EVC: variants seen among roughly 807,000 people sequenced by gnomAD.
EVC encodes the protein evC complex member EVC.
EVC carries 116 observed loss-of-function variants against 118.9 expected under a neutral mutation model. That is an observed-to-expected ratio of 0.98 (90% CI 0.84 to 1.14). The LOEUF (loss-of-function observed/expected upper bound fraction) is 1.14, where lower values mean the gene tolerates loss of function less well. Among genes scored for constraint, EVC ranks in the 50% most tolerant of loss-of-function variants. The probability of loss-of-function intolerance (pLI) is 0.00; values close to 1 mark genes in which losing one functional copy is unlikely to be tolerated. For synonymous variants in EVC, 619 were observed against 534.7 expected (o/e 1.16, Z -2.18); for missense variants, 1,401 against 1,246.4 (o/e 1.12, Z -1.87).
rs991853421 is a variant in EVC, at chr4:5,756,731, G to C, written c.1563+369G>C. Among the ~76,000 whole-genome samples, 9 of 152,206 alleles carry C rather than the reference G, an allele frequency of 5.9e-5. No homozygotes were observed. The highest frequency in any genetic ancestry group is 1.2e-4 in the Non-Finnish European group (8 of 68,042). ...AGAAGGGGTTCTGGGCTGAAATGGG[G>C]ACGTCAGAGATCACATGCCACACCA... On this transcript the variant is annotated intron_variant, in intron 11 of 20. Transcript: ENST00000264956. The surrounding 1 kb of genome is among the most constrained non-coding windows in gnomAD (Gnocchi z 4.2).
At chr4:5,782,538 A>G (rs1161766031) in intron 11 of EVC, among the ~76,000 whole-genome samples, 65 of 7,294 alleles carry the variant, frequency 8.9e-3, no homozygotes, top group African/African-American at 0.051. Flanking sequence ...TTTTAAATGA[A>G]AAAAAAAAAA....
chr4:5,752,177 T>C (rs543055590), intron 8 of EVC, among the ~76,000 whole-genome samples: 1 of 152,096 alleles, frequency 6.6e-6, no homozygotes, highest in South Asian at 2.1e-4. Context: ...GATGCCAACG[T>C]CCGCCGTCCG....
At chr4:5,717,110 T>A (rs946674132) in intron 1 of EVC, among the ~76,000 whole-genome samples, 1 of 152,204 alleles carries the variant, frequency 6.6e-6, no homozygotes, top group Non-Finnish European at 1.5e-5. Context: ...TTTTTTAGGT[T>A]GAATTGGGCT....
At chr4:5,794,031 A>G (rs1346759016) in intron 13 of EVC, among the ~76,000 whole-genome samples, 1 of 151,726 alleles carries the variant, frequency 6.6e-6, no homozygotes, top group Non-Finnish European at 1.5e-5. Flanking sequence ...CCACAATCCA[A>G]ATTTAGAACA....
chr4:5,744,700 C>G (rs925164014), intron 6 of EVC, among the ~76,000 whole-genome samples: 1 of 152,152 alleles, frequency 6.6e-6, no homozygotes, highest in African/African-American at 2.4e-5. Flanking sequence ...CCTTGGCTAC[C>G]CAGCTCACTC....
chr4:5,822,038 A>C, the EVC span, among the ~76,000 whole-genome samples: 1 of 140,144 alleles, frequency 7.1e-6, no homozygotes, highest in East Asian at 1.9e-4. Context: ...TGTGCCCCTC[A>C]GTCCCTGGGC....
chr4:5,827,939 C>T, the EVC span: 1 of 670,986 alleles, frequency 1.5e-6, no homozygotes, highest in Non-Finnish European at 1.8e-6. Context: ...TGACAGATGT[C>T]CTGAGGTCAG....
downstream of EVC, among the ~76,000 whole-genome samples, chr4:5,816,658 TCCTTCCCCTCTCTCCCTTCCCTCCCTC>T (rs1717734086): frequency 1.8e-5 from 2 of 110,536 alleles, no homozygotes; most frequent in Non-Finnish European, 3.6e-5. Flanking sequence ...CTTCCCTCCC[TCCTTCCCCTCTCTCCCTTCCCTCCCTC>T]CCTTCCCTTC....
chr4:5,811,176 G>A lies in EVC; in HGVS notation c.*139G>A, dbSNP rs553237232. 1 of 710,094 alleles carries A rather than the reference G, an allele frequency of 1.4e-6. No homozygotes were observed. Among genetic ancestry groups the A allele is most frequent in the Non-Finnish European group, 2.5e-6 (1 of 402,874 alleles). 44.0% of individuals were successfully genotyped at this position (710,094 alleles called of 1,614,324 possible). On this transcript the variant is annotated 3_prime_UTR_variant, in exon 21 of 21. Transcript: ENST00000264956. Reference sequence around the variant, plus strand: ...GGCTCTTCTGAGAGGGACAGAGAAAGAATAGAAATGTGCCCTAAAAGCATA... The same window carrying A: ...GGCTCTTCTGAGAGGGACAGAGAAAAAATAGAAATGTGCCCTAAAAGCATA...
At chr4:5,781,635 G>A (rs948774007) in intron 11 of EVC, among the ~76,000 whole-genome samples, 17 of 152,120 alleles carry the variant, frequency 1.1e-4, no homozygotes, top group African/African-American at 3.6e-4. Context: ...TCAGGAGTTC[G>A]AGAGCAGCTT....
At chr4:5,816,317 C>T (rs1717670387), downstream of EVC, among the ~76,000 whole-genome samples, 1 of 152,084 alleles carries the variant, frequency 6.6e-6, no homozygotes, top group Non-Finnish European at 1.5e-5. Context: ...CGGCAAGGAG[C>T]AAAAACGACC....
In EVC at chr4:5,782,180, T is replaced by G. The variant is rs552082778; in HGVS notation, c.1564-1372T>G. Among the ~76,000 whole-genome samples, 179 of 152,060 alleles carry G rather than the reference T, an allele frequency of 1.2e-3. 3 individuals carry two copies. The highest frequency in any genetic ancestry group is 3.9e-3 in the African/African-American group (160 of 41,502). On this transcript the variant is annotated intron_variant, in intron 11 of 20. Coordinates refer to ENST00000264956, the MANE Select transcript of EVC (RefSeq NM_153717.3). ...GCAACCTGGACCAGCTTCAAGTGATTCTCCTGCCTCAGCCTCCCAAGTAGC... is the reference window on the plus strand; with the variant it reads ...GCAACCTGGACCAGCTTCAAGTGATGCTCCTGCCTCAGCCTCCCAAGTAGC...
At chr4:5,793,860 G>A (rs1253671894) in intron 13 of EVC, 143 bp downstream of exon 13, 6 of 714,124 alleles carry the variant, frequency 8.4e-6, no homozygotes, top group Admixed American at 6.2e-5. Flanking sequence ...TCTTAGCCTC[G>A]ATTTCCTCAT....
At chr4:5,741,463 AAT>A (rs1476251637) in intron 5 of EVC, among the ~76,000 whole-genome samples, 1 of 152,224 alleles carries the variant, frequency 6.6e-6, no homozygotes, top group Non-Finnish European at 1.5e-5. Context: ...ATATTTGTTG[AAT>A]ACATGCATGA....
At chr4:5,823,801 C>A in the EVC span, among the ~76,000 whole-genome samples, 1 of 152,138 alleles carries the variant, frequency 6.6e-6, no homozygotes, top group Non-Finnish European at 1.5e-5. Flanking sequence ...AAGTAAACCT[C>A]TTTAATTACC....
At chr4:5,735,190 T>C (rs1727471449) in intron 5 of EVC, among the ~76,000 whole-genome samples, 1 of 152,088 alleles carries the variant, frequency 6.6e-6, no homozygotes, top group Non-Finnish European at 1.5e-5. Context: ...TGTCACAAAA[T>C]AAACGGTGGC....
intron 15 of EVC, 67 bp from the exon 16 acceptor site, chr4:5,801,883 G>GGAT: frequency 6.4e-7 from 1 of 1,570,196 alleles, no homozygotes; most frequent in Non-Finnish European, 8.7e-7. Flanking sequence ...GGCAGGGACT[G>GGAT]GATGGGCCGT....
chr4:5,809,920 A>G (rs558078560), intron 19 of EVC, among the ~76,000 whole-genome samples: 1 of 152,332 alleles, frequency 6.6e-6, no homozygotes, highest in Non-Finnish European at 1.5e-5. Flanking sequence ...CGACAACTTC[A>G]GTGACATCAC....
At chr4:5,818,734 T>G (rs1718046648), downstream of EVC, among the ~76,000 whole-genome samples, 1 of 152,050 alleles carries the variant, frequency 6.6e-6, no homozygotes, top group Non-Finnish European at 1.5e-5. Context: ...GCAAGAAGGC[T>G]CTCACCAAAT....
Sources: allele counts gnomAD v4.1 joint callset (sites outside exome capture counted in the v4.1 genomes callset), GRCh38; gene constraint gnomAD v4.1.1; non-coding constraint Gnocchi (gnomAD v3.1); transcripts MANE v1.5; gene names NCBI Gene and HGNC (gene_info 2026-07-23, HGNC 2026-07-21).